RPH3AL: variants seen among roughly 807,000 people sequenced by gnomAD.
The protein encoded by RPH3AL is rab effector Noc2.
Under a neutral mutation model 43.1 loss-of-function variants are expected in RPH3AL, and 38 were observed. The ratio of observed to expected loss-of-function variants is 0.88; its 90% CI spans 0.68 to 1.15. The LOEUF (loss-of-function observed/expected upper bound fraction) is 1.15, where lower values mean the gene tolerates loss of function less well. Ranked by LOEUF, RPH3AL falls within the 50% of genes most tolerant of loss-of-function variation. The pLI is 0.00. For missense variants in RPH3AL, 462 were observed against 423.2 expected (o/e 1.09, Z -0.81); for synonymous variants, 189 against 176.3 (o/e 1.07, Z -0.57).
At position 274,250 on chromosome 17, in the gene RPH3AL, G is replaced by T. The variant is rs1049335652; in HGVS notation, c.438+7518C>A. On this transcript the variant is annotated intron_variant, in intron 6 of 9. Coordinates refer to ENST00000331302, the MANE Select transcript of RPH3AL (RefSeq NM_006987.4). This position sits in a 1 kb window ranked among gnomAD's most constrained non-coding sequence, Gnocchi z 4.7. ...AAACCCCAGCCCGGGGCCTCTGACAGCTCAGCACCAGGCTCCACATCAGGT... is the reference window on the plus strand; with the variant it reads ...AAACCCCAGCCCGGGGCCTCTGACATCTCAGCACCAGGCTCCACATCAGGT... 1.3e-5 allele frequency among the ~76,000 whole-genome samples: 2 copies of T among 152,258 alleles called. No individual in the cohort carries two copies. Among genetic ancestry groups the T allele is most frequent in the Non-Finnish European group, 2.9e-5 (2 of 68,042 alleles).
intron 6 of RPH3AL, among the ~76,000 whole-genome samples, chr17:280,801 G>C: frequency 6.6e-6 from 1 of 152,172 alleles, no homozygotes; most frequent in South Asian, 2.1e-4. Context: ...TGGTTGAGGA[G>C]CTCTGAAATG....
At chr17:272,469 G>C (rs1178990684) in intron 6 of RPH3AL, among the ~76,000 whole-genome samples, 1 of 151,608 alleles carries the variant, frequency 6.6e-6, no homozygotes, top group Non-Finnish European at 1.5e-5. Flanking sequence ...CATGGATGAA[G>C]CTGGAAACCA....
intron 1 of RPH3AL, among the ~76,000 whole-genome samples, chr17:335,100 T>C (rs2044915958): frequency 6.6e-6 from 1 of 152,180 alleles, no homozygotes; most frequent in African/African-American, 2.4e-5. Flanking sequence ...GTGGGCAGCA[T>C]ACCCGAGCTC....
At chr17:317,108 C>A (rs1415324673) in intron 5 of RPH3AL, among the ~76,000 whole-genome samples, 2 of 147,172 alleles carry the variant, frequency 1.4e-5, no homozygotes, top group Non-Finnish European at 3.0e-5. Context: ...ACCTGTAGTC[C>A]CTGTGACTCC....
chr17:241,098 A>AATAATAATAATAATAATC (rs763128192), intron 7 of RPH3AL, among the ~76,000 whole-genome samples: 2 of 94,402 alleles, frequency 2.1e-5, no homozygotes, highest in Non-Finnish European at 4.3e-5. Flanking sequence ...TAATAATAAT[A>AATAATAATAATAATAATC]ATCTTGTTGG....
chr17:326,728 A>C (rs2044630343), intron 3 of RPH3AL, among the ~76,000 whole-genome samples: 1 of 152,220 alleles, frequency 6.6e-6, no homozygotes, highest in South Asian at 2.1e-4. Flanking sequence ...CTAAAAATAC[A>C]AAAATTAGCC....
chr17:312,979 C>A (rs569323084), intron 5 of RPH3AL, among the ~76,000 whole-genome samples: 24 of 152,346 alleles, frequency 1.6e-4, no homozygotes, highest in African/African-American at 4.6e-4. Context: ...GAGCCCCCAG[C>A]ACTGCGTGGC....
At chr17:226,739 C>G (rs562080688) in intron 7 of RPH3AL, among the ~76,000 whole-genome samples, 19 of 152,338 alleles carry the variant, frequency 1.2e-4, no homozygotes, top group African/African-American at 4.1e-4. Context: ...GGCTAATTTG[C>G]CATTCGATTG....
rs986441501 is a variant in RPH3AL, at chr17:333,102, G to A, written c.-37+657C>T. On this transcript the variant is annotated intron_variant, in intron 2 of 9. Coordinates refer to ENST00000331302, the MANE Select transcript of RPH3AL (RefSeq NM_006987.4). The surrounding 1 kb of genome is among the most constrained non-coding windows in gnomAD (Gnocchi z 4.5). ...AAGTCGAGAGCTCACCACCCCGGGC[G>A]TTCGTCACTGCAGACATCACTGCAG... 43 of 1,282,130 alleles carry A rather than the reference G, an allele frequency of 3.4e-5. No individual in the cohort carries two copies. The East Asian group carries it at 5.7e-4, about 17-fold the overall frequency. 79.4% of individuals were successfully genotyped at this position (1,282,130 alleles called of 1,614,324 possible).
At chr17:272,293 G>C (rs1247782880) in intron 6 of RPH3AL, among the ~76,000 whole-genome samples, 5 of 152,164 alleles carry the variant, frequency 3.3e-5, no homozygotes, top group Admixed American at 3.3e-4. Context: ...CTGCTATAAA[G>C]ACACATGCAC....
chr17:310,714 C>T (rs1371807743), intron 5 of RPH3AL, among the ~76,000 whole-genome samples: 2 of 152,206 alleles, frequency 1.3e-5, no homozygotes, highest in East Asian at 3.9e-4. Context: ...TGGTTTCACG[C>T]CTCCCTCCGG....
chr17:291,196 G>A (rs1027947620), intron 5 of RPH3AL, among the ~76,000 whole-genome samples: 3 of 152,076 alleles, frequency 2.0e-5, no homozygotes, highest in Non-Finnish European at 2.9e-5. Flanking sequence ...AACAAGACAC[G>A]GCCCTTTGTC....
intron 5 of RPH3AL, among the ~76,000 whole-genome samples, chr17:319,212 G>C (rs753071815): frequency 1.2e-4 from 18 of 152,232 alleles, no homozygotes; most frequent in Non-Finnish European, 2.6e-4. Flanking sequence ...AGAAGGGCTA[G>C]AAGATGCCTC....
At chr17:342,871 T>C (rs906533116) in intron 1 of RPH3AL, among the ~76,000 whole-genome samples, 3 of 152,202 alleles carry the variant, frequency 2.0e-5, no homozygotes, top group Non-Finnish European at 2.9e-5. Context: ...TAGAGTCTCA[T>C]TGACCAACCA....
Position 323,342 on chromosome 17 carries a change from A to G in RPH3AL, c.78-1927T>C, listed in dbSNP as rs1412782767. On this transcript the variant is annotated intron_variant, in intron 3 of 9. Coordinates refer to ENST00000331302, the MANE Select transcript of RPH3AL (RefSeq NM_006987.4). This position sits in a 1 kb window ranked among gnomAD's most constrained non-coding sequence, Gnocchi z 4.4. Reference sequence around the variant, plus strand: ...TGCTGGGGAAGGAAAATACCGGGGCAGCAGGGCAGGGCTGGAAGGGGGGCA... The same window carrying G: ...TGCTGGGGAAGGAAAATACCGGGGCGGCAGGGCAGGGCTGGAAGGGGGGCA... 1.3e-5 allele frequency among the ~76,000 whole-genome samples: 2 copies of G among 152,058 alleles called. No homozygotes were observed. Among genetic ancestry groups the G allele is most frequent in the Non-Finnish European group, 2.9e-5 (2 of 68,020 alleles).
chr17:214,523 T>A (rs2040746231), intron 9 of RPH3AL, among the ~76,000 whole-genome samples: 1 of 152,192 alleles, frequency 6.6e-6, no homozygotes, highest in African/African-American at 2.4e-5. Flanking sequence ...CCCAACACTT[T>A]GGGAGGCCAA....
intron 7 of RPH3AL, among the ~76,000 whole-genome samples, chr17:237,087 A>G (rs1041493273): frequency 6.6e-6 from 1 of 152,076 alleles, no homozygotes; most frequent in Non-Finnish European, 1.5e-5. Context: ...TTCCCGGAAG[A>G]CAGGTAGAGG....
chr17:243,736 A>AC (rs1423385446), intron 7 of RPH3AL, among the ~76,000 whole-genome samples: 5 of 115,572 alleles, frequency 4.3e-5, no homozygotes, highest in Admixed American at 1.8e-4. Context: ...TCTATTGATT[A>AC]CCTTCCTCTA....
chr17:330,882 A>AT (rs1460519379), intron 2 of RPH3AL: 2 of 151,956 alleles, frequency 1.3e-5, no homozygotes, highest in African/African-American at 4.8e-5. Context: ...TCTCAAAAAA[A>AT]AAAAAAAGAT....
Sources: gnomAD v4.1 joint callset for allele counts (sites outside exome capture counted in the v4.1 genomes callset) on GRCh38, gnomAD v4.1.1 for gene constraint, Gnocchi (gnomAD v3.1) non-coding constraint, MANE v1.5 for transcripts, NCBI Gene and HGNC (gene_info 2026-07-23, HGNC 2026-07-21) for gene names.